The following GNA11 variants were observed in gnomAD, a reference collection of about 807,000 sequenced individuals.
GNA11 encodes the protein guanine nucleotide-binding protein subunit alpha-11.
GNA11 carries 8 observed loss-of-function variants against 38.2 expected under a neutral mutation model. The observed-to-expected ratio is 0.21, with a 90% CI of 0.12 to 0.38. The LOEUF is 0.38. Among genes scored for constraint, GNA11 ranks in the 10% least tolerant of loss-of-function variants. GNA11 has a pLI of 1.00. For missense variants in GNA11, 268 were observed against 516.3 expected, an observed-to-expected ratio of 0.52 and a Z score of 4.66; for synonymous variants, 211 against 221.4, an observed-to-expected ratio of 0.95 and a Z score of 0.42.
intron 1 of GNA11, among the ~76,000 whole-genome samples, chr19:3,109,440 G>T (rs567678191): frequency 1.3e-5 from 2 of 152,342 alleles, no homozygotes; most frequent in South Asian, 4.1e-4. Flanking sequence ...TCTGAGATGG[G>T]GTGGTAGCGT....
At chr19:3,097,537 T>C (rs2145303489) in intron 1 of GNA11, among the ~76,000 whole-genome samples, 1 of 152,312 alleles carries the variant, frequency 6.6e-6, no homozygotes, top group Non-Finnish European at 1.5e-5. Flanking sequence ...CTCCTGGGTT[T>C]GCAACCAGGT....
rs56197875 is a variant in GNA11, at chr19:3,122,944, A to ACC, written c.*1774_*1775dup. ...CATGGGGAGACGGGGCTGGCGGGAT[A>ACC]CCCCCCCCCCGGCTTCCCCACACCA... On this transcript the variant is annotated 3_prime_UTR_variant, in exon 7 of 7. Coordinates refer to ENST00000078429, the MANE Select transcript of GNA11 (RefSeq NM_002067.5). This position sits in a 1 kb window ranked among gnomAD's most constrained non-coding sequence, Gnocchi z 7.7. 715 of 223,744 alleles carry ACC rather than the reference A, an allele frequency of 3.2e-3. 5 individuals are homozygous for ACC. The East Asian group carries it at 0.038, about 12-fold the overall frequency. The allele number at this position is 223,744 out of a possible 1,614,324, so 13.9% of individuals were successfully genotyped here.
At chr19:3,097,614 G>A (rs1034516411) in intron 1 of GNA11, among the ~76,000 whole-genome samples, 5 of 152,242 alleles carry the variant, frequency 3.3e-5, no homozygotes, top group Admixed American at 6.5e-5. Flanking sequence ...GGCTGCACAC[G>A]GCCTGTGAGG....
chr19:3,103,810 C>G (rs1913568100), intron 1 of GNA11, among the ~76,000 whole-genome samples: 1 of 151,908 alleles, frequency 6.6e-6, no homozygotes, highest in Non-Finnish European at 1.5e-5. Flanking sequence ...TCACGCCATT[C>G]TCCTGCCTCA....
chr19:3,122,946 C>T lies in GNA11; in HGVS notation c.*1767C>T, dbSNP rs975387359. 4.0e-5 allele frequency: 6 copies of T among 148,588 alleles called. No homozygotes were observed. Among genetic ancestry groups the T allele is most frequent in the Non-Finnish European group, 6.7e-5 (5 of 74,528 alleles). The allele number at this position is 148,588 out of a possible 1,614,324, so 9.2% of individuals were successfully genotyped here. The stretch of plus-strand genomic sequence containing the variant: ...TGGGGAGACGGGGCTGGCGGGATAC[C>T]CCCCCCCCGGCTTCCCCACACCACT... On this transcript the variant is annotated 3_prime_UTR_variant, in exon 7 of 7. Coordinates refer to ENST00000078429, the MANE Select transcript of GNA11 (RefSeq NM_002067.5). This position sits in a 1 kb window ranked among gnomAD's most constrained non-coding sequence, Gnocchi z 7.7.
chr19:3,119,632 G>A lies in GNA11; in HGVS notation c.889+273G>A, dbSNP rs1208976215. ...ACAGGAGGGGTCTCGGGTGGGAGGG[G>A]TCTCGGGCAGGGGGATCTCGGGTGG... On this transcript the variant is annotated intron_variant, in intron 6 of 6. Coordinates refer to ENST00000078429, the MANE Select transcript of GNA11 (RefSeq NM_002067.5). The surrounding 1 kb of genome is among the most constrained non-coding windows in gnomAD (Gnocchi z 4.6). 6.6e-6 allele frequency among the ~76,000 whole-genome samples: 1 copy of A among 150,494 alleles called. No individual in the cohort carries two copies. The highest frequency in any genetic ancestry group is 2.4e-5 in the African/African-American group (1 of 40,896).
intron 1 of GNA11, among the ~76,000 whole-genome samples, chr19:3,101,002 G>A (rs1434613581): frequency 6.6e-6 from 1 of 152,194 alleles, no homozygotes; most frequent in African/African-American, 2.4e-5. Flanking sequence ...AGGCCTGGGA[G>A]GCTCCAGGAG....
chr19:3,102,095 C>T (rs1913519969), intron 1 of GNA11, among the ~76,000 whole-genome samples: 2 of 151,720 alleles, frequency 1.3e-5, no homozygotes. Flanking sequence ...GAGGTTCTGT[C>T]TCAAAAACAA....
At chr19:3,101,829 C>G (rs943362930) in intron 1 of GNA11, among the ~76,000 whole-genome samples, 1 of 152,100 alleles carries the variant, frequency 6.6e-6, no homozygotes, top group Non-Finnish European at 1.5e-5. Context: ...TGCGGTGGCT[C>G]ATGCCTGTAA....
chr19:3,110,402 C>T lies in GNA11; in HGVS notation c.321+69C>T, dbSNP rs1173314602. Reference sequence around the variant, plus strand: ...TGGGCTTGGTGGTGAGCATGGTGGCCGCGCTGCCAGGGTGGGGCCATGCCG... The same window carrying T: ...TGGGCTTGGTGGTGAGCATGGTGGCTGCGCTGCCAGGGTGGGGCCATGCCG... On this transcript the variant is annotated intron_variant, in intron 2 of 6. Coordinates refer to ENST00000078429, the MANE Select transcript of GNA11 (RefSeq NM_002067.5). The surrounding 1 kb of genome is among the most constrained non-coding windows in gnomAD (Gnocchi z 5.4). 1.3e-5 allele frequency: 17 copies of T among 1,326,152 alleles called. No individual in the cohort carries two copies. The highest frequency in any genetic ancestry group is 4.7e-5 in the East Asian group (2 of 42,832). The allele number at this position is 1,326,152 out of a possible 1,614,324, so 82.1% of individuals were successfully genotyped here.
At chr19:3,118,842 G>C (rs1913990099) in intron 4 of GNA11, 82 bp from the exon 5 acceptor site, 2 of 1,299,322 alleles carry the variant, frequency 1.5e-6, no homozygotes, top group Admixed American at 3.5e-5. Context: ...TGGCAGGAGG[G>C]GCTTGGGTGG....
chr19:3,119,157 G>A lies in GNA11; in HGVS notation c.736-49G>A, dbSNP rs2145326745. On this transcript the variant is annotated intron_variant, in intron 5 of 6. Transcript: ENST00000078429. This position sits in a 1 kb window ranked among gnomAD's most constrained non-coding sequence, Gnocchi z 4.6. ...TCCCCCCAGCTGCCCCTTGGGCTGT[G>A]TGCAGTGGGGAGGGCCCCTCTGATT... The A allele has an allele frequency of 6.2e-7, 1 of 1,608,046 alleles. No individual in the cohort carries two copies. The highest frequency in any genetic ancestry group is 8.5e-7 in the Non-Finnish European group (1 of 1,175,624).
At position 3,121,034 on chromosome 19, in the gene GNA11, T is replaced by C. The variant is rs1489377886; in HGVS notation, c.935T>C (p.Met312Thr). The stretch of plus-strand genomic sequence containing the variant: ...GCGGCGCGGGAGTTCATCCTGAAGA[T>C]GTTCGTGGACCTGAACCCCGACAGC... ...AQAAREFILK[M>T]FVDLNPDSDK... Residue 312 changes from methionine (M) to threonine (T), a missense_variant, in exon 7 of 7, where the codon ATG (methionine) becomes ACG (threonine). By Grantham distance (81) the Met-to-Thr change is moderately conservative. Coordinates refer to ENST00000078429, the MANE Select transcript of GNA11 (RefSeq NM_002067.5). The C allele has an allele frequency of 6.2e-7, 1 of 1,613,704 alleles. No individual in the cohort carries two copies. The highest frequency in any genetic ancestry group is 8.5e-7 in the Non-Finnish European group (1 of 1,179,818).
chr19:3,105,628 G>T (rs1913622179), intron 1 of GNA11, among the ~76,000 whole-genome samples: 1 of 152,158 alleles, frequency 6.6e-6, no homozygotes, highest in South Asian at 2.1e-4. Context: ...TTAGGGGTGA[G>T]AATTTTAACA....
chr19:3,097,621 G>GA (rs1294404339), intron 1 of GNA11, among the ~76,000 whole-genome samples: 1 of 152,242 alleles, frequency 6.6e-6, no homozygotes, highest in Non-Finnish European at 1.5e-5. Context: ...CACGGCCTGT[G>GA]AGGTCGGTCA....
intron 1 of GNA11, among the ~76,000 whole-genome samples, chr19:3,095,529 C>A (rs536692318): frequency 6.6e-6 from 1 of 152,136 alleles, no homozygotes; most frequent in East Asian, 1.9e-4. Context: ...GTACACCCCC[C>A]CATCCCCCCG....
At chr19:3,111,838 G>C (rs940581987) in intron 2 of GNA11, among the ~76,000 whole-genome samples, 2 of 152,226 alleles carry the variant, frequency 1.3e-5, no homozygotes, top group African/African-American at 4.8e-5. Context: ...CAGCTGAGGG[G>C]CCATTGATCC....
chr19:3,096,700 C>T (rs1442965451), intron 1 of GNA11, among the ~76,000 whole-genome samples: 1 of 137,418 alleles, frequency 7.3e-6, no homozygotes, highest in African/African-American at 2.5e-5. Flanking sequence ...CCTGTGTCTG[C>T]AGTCCCACCC....
intron 1 of GNA11, among the ~76,000 whole-genome samples, chr19:3,096,626 C>T (rs566837553): frequency 6.6e-6 from 1 of 152,258 alleles, no homozygotes; most frequent in South Asian, 2.1e-4. Flanking sequence ...GGAAGTGATG[C>T]GGCCCTTCCC....
Sources: allele counts gnomAD v4.1 joint callset (sites outside exome capture counted in the v4.1 genomes callset), GRCh38; gene constraint gnomAD v4.1.1; non-coding constraint Gnocchi (gnomAD v3.1); transcripts MANE v1.5; gene names NCBI Gene and HGNC (gene_info 2026-07-23, HGNC 2026-07-21).